Variants in SPOCK1 observed in about 807,000 individuals in gnomAD.
SPOCK1 encodes the protein testican-1.
Under a neutral mutation model 55.3 loss-of-function variants are expected in SPOCK1, and 23 were observed. The observed-to-expected ratio is 0.42, with a 90% CI of 0.30 to 0.59. The LOEUF is 0.59. Ranked by LOEUF, SPOCK1 falls within the 20% of genes least tolerant of loss-of-function variation. SPOCK1 has a pLI of 0.22. For synonymous variants in SPOCK1, 226 were observed against 221.0 expected (o/e 1.02, Z -0.20); for missense variants, 499 against 552.5 (o/e 0.90, Z 0.97).
intron 2 of SPOCK1, among the ~76,000 whole-genome samples, chr5:137,433,509 T>G (rs28735363): frequency 0.16 from 24,754 of 152,230 alleles, 2,248 homozygotes; most frequent in Admixed American, 0.28. Context: ...ATCCTCCAGA[T>G]GTCTAGCATT....
At chr5:137,274,870 C>T (rs1023661795) in intron 2 of SPOCK1, among the ~76,000 whole-genome samples, 1 of 152,212 alleles carries the variant, frequency 6.6e-6, no homozygotes. Flanking sequence ...GGTCACACCT[C>T]TCTATTAAAT....
intron 6 of SPOCK1, among the ~76,000 whole-genome samples, chr5:137,019,685 A>G (rs1751529884): frequency 6.6e-6 from 1 of 152,076 alleles, no homozygotes; most frequent in Non-Finnish European, 1.5e-5. Flanking sequence ...CAAAAAATAG[A>G]TATTTTGCAA....
chr5:136,992,748 C>A, intron 6 of SPOCK1, 148 bp from the exon 7 acceptor site: 1 of 556,298 alleles, frequency 1.8e-6, no homozygotes, highest in Non-Finnish European at 3.1e-6. Flanking sequence ...CCCAAAGATG[C>A]TGTTAGTACA....
intron 3 of SPOCK1, among the ~76,000 whole-genome samples, chr5:137,233,682 C>T (rs1756115838): frequency 7.3e-6 from 1 of 137,858 alleles, no homozygotes; most frequent in East Asian, 2.1e-4. Flanking sequence ...CTTCAATTTT[C>T]ACATATTCAT....
chr5:136,988,513 G>A lies in SPOCK1; in HGVS notation c.837C>T (p.Pro279=). The change falls in exon 8 of 11, where the codon CCC becomes CCT. Residue 279 remains proline, a synonymous_variant. Coordinates refer to ENST00000394945, the MANE Select transcript of SPOCK1 (RefSeq NM_004598.4). ...ACGAGTTGAAAAGAGGCTTGATACA[G>A]GGCTCGTACTTATCCAGGTAGATGG... ...INAIYLDKYE[P]CIKPLFNSCD... is the part of the protein sequence containing the mutation. 3 of 1,614,142 alleles carry A rather than the reference G, an allele frequency of 1.9e-6. No individual in the cohort carries two copies. The highest frequency in any genetic ancestry group is 2.5e-6 in the Non-Finnish European group (3 of 1,180,012).
In SPOCK1 at chr5:137,233,807, TA is replaced by T. The variant is rs568044071; in HGVS notation, c.232+33202del. 4.1e-3 allele frequency among the ~76,000 whole-genome samples: 598 copies of T among 147,438 alleles called. 1 individual carries two copies. Among genetic ancestry groups the T allele is most frequent in the African/African-American group, 0.014 (585 of 40,518 alleles). On this transcript the variant is annotated intron_variant, in intron 3 of 10. Transcript: ENST00000394945. The stretch of plus-strand genomic sequence containing the variant: ...TGATTCTAGGAGGCTGTATTTCCTT[TA>T]AAAAAAATTTCTTGGGATTTACTAC...
At chr5:137,495,618 G>A (rs1754280917) in intron 2 of SPOCK1, among the ~76,000 whole-genome samples, 4 of 152,226 alleles carry the variant, frequency 2.6e-5, no homozygotes, top group Admixed American at 2.6e-4. Context: ...AAGAAGCTGA[G>A]GCTTTGTCAA....
rs560571132 is a variant in SPOCK1, at chr5:137,115,141, T to A, written c.348-2580A>T. Reference sequence around the variant, plus strand: ...GACTGGTGCCTATCAGAGGGCCTGGTGCATCCTGGACGCTAAAGATATCCC... The same window carrying A: ...GACTGGTGCCTATCAGAGGGCCTGGAGCATCCTGGACGCTAAAGATATCCC... On this transcript the variant is annotated intron_variant, in intron 4 of 10. Coordinates refer to ENST00000394945, the MANE Select transcript of SPOCK1 (RefSeq NM_004598.4). Among the ~76,000 whole-genome samples the A allele has an allele frequency of 5.6e-4, 86 of 152,254 alleles. 1 individual carries two copies. Among genetic ancestry groups the A allele is most frequent in the Middle Eastern group, 3.4e-3 (1 of 294 alleles).
chr5:137,182,819 T>G (rs921518029), intron 3 of SPOCK1, among the ~76,000 whole-genome samples: 20 of 152,178 alleles, frequency 1.3e-4, no homozygotes, highest in Admixed American at 7.2e-4. Context: ...GCTCCTAAGC[T>G]GAAACTCTCC....
Position 137,196,898 on chromosome 5 carries a change from T to C in SPOCK1, c.233-56204A>G, listed in dbSNP as rs141969571. Among the ~76,000 whole-genome samples the C allele has an allele frequency of 8.1e-3, 1,234 of 152,314 alleles. 17 individuals carry two copies. The highest frequency in any genetic ancestry group is 0.028 in the African/African-American group (1,181 of 41,566). ...CAGAAAATCCTGGCATCAAAGGGCT[T>C]GCAATAGCTGGTCTAGTTTCATGAG... is the stretch of plus-strand genomic sequence containing the variant. On this transcript the variant is annotated intron_variant, in intron 3 of 10. Transcript: ENST00000394945.
chr5:137,118,322 A>G (rs1441381721), intron 4 of SPOCK1, among the ~76,000 whole-genome samples: 1 of 152,276 alleles, frequency 6.6e-6, no homozygotes, highest in Non-Finnish European at 1.5e-5. Context: ...GGCAACAGCT[A>G]CAAGCAAGAT....
intron 3 of SPOCK1, among the ~76,000 whole-genome samples, chr5:137,229,974 T>A (rs1413624026): frequency 6.6e-6 from 1 of 152,100 alleles, no homozygotes; most frequent in African/African-American, 2.4e-5. Flanking sequence ...GGACCCCTGC[T>A]GTAGAGTAGT....
rs1751505172 is a variant in SPOCK1, at chr5:137,018,884, A to T, written c.590-26284T>A. ...GCAGAGTCAATATTCTTCATATATA[A>T]AAAGTTCTTTCAAATCAATAGCAAG... is the stretch of plus-strand genomic sequence containing the variant. On this transcript the variant is annotated intron_variant, in intron 6 of 10. Transcript: ENST00000394945. Among the ~76,000 whole-genome samples the T allele has an allele frequency of 2.0e-5, 3 of 152,204 alleles. No individual in the cohort carries two copies. In the South Asian group the frequency reaches 6.2e-4, roughly 32 times the overall value.
At chr5:137,413,598 A>G (rs375341521) in intron 2 of SPOCK1, among the ~76,000 whole-genome samples, 2 of 152,124 alleles carry the variant, frequency 1.3e-5, no homozygotes, top group East Asian at 3.9e-4. Context: ...ATCCCACCTG[A>G]GCATAAATCA....
At chr5:137,235,271 C>G (rs1028798938) in intron 3 of SPOCK1, among the ~76,000 whole-genome samples, 28 of 152,166 alleles carry the variant, frequency 1.8e-4, no homozygotes, top group Non-Finnish European at 3.8e-4. Context: ...AAGTGTAAAC[C>G]TTCAGAGGGA....
chr5:137,214,056 T>C (rs1755667823), intron 3 of SPOCK1, among the ~76,000 whole-genome samples: 1 of 152,218 alleles, frequency 6.6e-6, no homozygotes, highest in Non-Finnish European at 1.5e-5. Flanking sequence ...TATTCCTTAA[T>C]ACTTAGCATT....
chr5:137,010,370 T>C (rs17521302), intron 6 of SPOCK1, among the ~76,000 whole-genome samples: 15 of 151,874 alleles, frequency 9.9e-5, no homozygotes, highest in African/African-American at 3.4e-4. Context: ...TGTGGAGAGA[T>C]AGAGCCACCA....
At chr5:137,089,047 C>T (rs530357582) in intron 5 of SPOCK1, among the ~76,000 whole-genome samples, 251 of 152,198 alleles carry the variant, frequency 1.6e-3, no homozygotes, top group African/African-American at 5.8e-3. Flanking sequence ...GGGACTATTG[C>T]AAGGGGGCTG....
intron 2 of SPOCK1, among the ~76,000 whole-genome samples, chr5:137,371,353 A>G (rs1248563533): frequency 1.3e-5 from 2 of 152,228 alleles, no homozygotes; most frequent in African/African-American, 4.8e-5. Context: ...GAAATACATG[A>G]GAAGCACTTA....
Sources: gnomAD v4.1 joint callset for allele counts (sites outside exome capture counted in the v4.1 genomes callset) on GRCh38, gnomAD v4.1.1 for gene constraint, MANE v1.5 for transcripts, NCBI Gene and HGNC (gene_info 2026-07-23, HGNC 2026-07-21) for gene names.